The following PCDHGA9 variants were observed in gnomAD, a reference collection of about 807,000 sequenced individuals.
PCDHGA9 encodes protocadherin gamma-A9.
Under a neutral mutation model 62.5 loss-of-function variants are expected in PCDHGA9, and 37 were observed. The ratio of observed to expected loss-of-function variants is 0.59; its 90% CI spans 0.46 to 0.78. The LOEUF is 0.78. Among genes scored for constraint, PCDHGA9 ranks in the 30% least tolerant of loss-of-function variants. The probability of loss-of-function intolerance (pLI) is 0.00; values close to 1 mark genes in which losing one functional copy is unlikely to be tolerated. For synonymous variants in PCDHGA9, 459 were observed against 484.6 expected (o/e 0.95, Z 0.69); for missense variants, 1,138 against 1,166.2 (o/e 0.98, Z 0.35).
Position 141,485,920 on chromosome 5 carries a change from T to C in PCDHGA9, c.2425-8887T>C, listed in dbSNP as rs1374948804. ...CCTTCCAGCAATCCAGCTACAGGAT[T>C]AGTGTGTTGGAGAGCGCACCAGCGG... On this transcript the variant is annotated intron_variant, in intron 1 of 3. Transcript: ENST00000573521. This position sits in a 1 kb window ranked among gnomAD's most constrained non-coding sequence, Gnocchi z 5.7. 1.2e-6 allele frequency: 2 copies of C among 1,614,038 alleles called. No individual in the cohort carries two copies. Among genetic ancestry groups the C allele is most frequent in the Non-Finnish European group, 1.7e-6 (2 of 1,180,010 alleles).
At position 141,430,831 on chromosome 5, in the gene PCDHGA9, G is replaced by A; in HGVS notation, c.2424+25455G>A. ...TGGGAATCCTCCTGGGGACTCTGTGGGAGACCGGATGCACCCAGATACGCT... is the reference window on the plus strand; with the variant it reads ...TGGGAATCCTCCTGGGGACTCTGTGAGAGACCGGATGCACCCAGATACGCT... On this transcript the variant is annotated intron_variant, in intron 1 of 3. Coordinates refer to ENST00000573521, the MANE Select transcript of PCDHGA9 (RefSeq NM_018921.3). 3 of 1,555,334 alleles carry A rather than the reference G, an allele frequency of 1.9e-6. No individual in the cohort carries two copies. In the South Asian group the frequency reaches 3.8e-5, roughly 19 times the overall value.
At chr5:141,452,538 G>T (rs1330051133) in intron 1 of PCDHGA9, among the ~76,000 whole-genome samples, 1 of 152,148 alleles carries the variant, frequency 6.6e-6, no homozygotes, top group Non-Finnish European at 1.5e-5. Flanking sequence ...AGTTCATATT[G>T]ATACCTCCAG....
chr5:141,421,291 G>C, intron 1 of PCDHGA9: 1 of 1,613,364 alleles, frequency 6.2e-7, no homozygotes, highest in Middle Eastern at 1.6e-4. Context: ...CATTTTCCTG[G>C]GGACGCTGCG....
chr5:141,484,695 G>A (rs1371166304), intron 1 of PCDHGA9, among the ~76,000 whole-genome samples: 3 of 151,920 alleles, frequency 2.0e-5, no homozygotes, highest in Non-Finnish European at 4.4e-5. Context: ...TCAGGCTGTG[G>A]CTGTTTTCCC....
rs2099613082 is a variant in PCDHGA9, at chr5:141,485,421, C to T, written c.2425-9386C>T. ...TTCCGTGTGGATTTGGACAGCGGAG[C>T]CCTGCTCATCAAGAACCCAATCGAC... On this transcript the variant is annotated intron_variant, in intron 1 of 3. Coordinates refer to ENST00000573521, the MANE Select transcript of PCDHGA9 (RefSeq NM_018921.3). The surrounding 1 kb of genome is among the most constrained non-coding windows in gnomAD (Gnocchi z 5.7). The T allele has an allele frequency of 6.2e-7, 1 of 1,614,112 alleles. No individual in the cohort carries two copies. Among genetic ancestry groups the T allele is most frequent in the Non-Finnish European group, 8.5e-7 (1 of 1,180,010 alleles).
intron 1 of PCDHGA9, among the ~76,000 whole-genome samples, chr5:141,447,640 G>A (rs184184100): frequency 6.6e-6 from 1 of 152,198 alleles, no homozygotes; most frequent in Admixed American, 6.5e-5. Flanking sequence ...TATGAATGAT[G>A]GTAGAATTTT....
intron 1 of PCDHGA9, chr5:141,418,101 G>T: frequency 6.2e-7 from 1 of 1,614,082 alleles, no homozygotes; most frequent in Non-Finnish European, 8.5e-7. Context: ...GACGCGCAGA[G>T]CGGGGACTTA....
intron 1 of PCDHGA9, among the ~76,000 whole-genome samples, chr5:141,444,703 T>A (rs963617867): frequency 6.6e-6 from 1 of 152,248 alleles, no homozygotes; most frequent in Non-Finnish European, 1.5e-5. Context: ...TTCCTCTTTC[T>A]GTTGAATTTG....
At chr5:141,430,638 G>A in intron 1 of PCDHGA9, 1 of 898,338 alleles carries the variant, frequency 1.1e-6, no homozygotes, top group Non-Finnish European at 1.6e-6. Flanking sequence ...CCATCCCTGG[G>A]AGTATGTGGA....
chr5:141,459,510 T>G (rs1449866159), intron 1 of PCDHGA9, among the ~76,000 whole-genome samples: 1 of 152,252 alleles, frequency 6.6e-6, no homozygotes, highest in Non-Finnish European at 1.5e-5. Context: ...TGAACAATCA[T>G]GTACAAGTAT....
chr5:141,474,180 A>G (rs763042503), intron 1 of PCDHGA9, among the ~76,000 whole-genome samples: 4 of 152,240 alleles, frequency 2.6e-5, no homozygotes, highest in Non-Finnish European at 4.4e-5. Context: ...TGAGAAAACT[A>G]CTTACATTTT....
chr5:141,428,029 C>G, intron 1 of PCDHGA9: 2 of 1,607,160 alleles, frequency 1.2e-6, no homozygotes, highest in Non-Finnish European at 1.7e-6. Flanking sequence ...GCCGCAGAGT[C>G]CGGCTACCTG....
Position 141,432,479 on chromosome 5 carries a change from G to A in PCDHGA9, c.2424+27103G>A, listed in dbSNP as rs771261875. ...CGCCCTCCCCACGGACGGTTCCACT[G>A]GCGTGGAGCTGGCTCCCCGCTCCGC... On this transcript the variant is annotated intron_variant, in intron 1 of 3. Transcript: ENST00000573521. The surrounding 1 kb of genome is among the most constrained non-coding windows in gnomAD (Gnocchi z 6.0). The A allele has an allele frequency of 3.8e-5, 62 of 1,614,076 alleles. No individual in the cohort carries two copies. Among genetic ancestry groups the A allele is most frequent in the Non-Finnish European group, 4.9e-5 (58 of 1,180,052 alleles).
intron 1 of PCDHGA9, chr5:141,414,617 T>C: frequency 6.2e-7 from 1 of 1,614,002 alleles, no homozygotes; most frequent in Non-Finnish European, 8.5e-7. Flanking sequence ...GTGACAGCGC[T>C]GGACCCGGAC....
At chr5:141,422,219 C>T in intron 1 of PCDHGA9, 1 of 1,564,678 alleles carries the variant, frequency 6.4e-7, no homozygotes, top group Non-Finnish European at 8.6e-7. Context: ...CTCTTTACCA[C>T]CACGACGATG....
At chr5:141,464,131 G>C (rs982496493) in intron 1 of PCDHGA9, among the ~76,000 whole-genome samples, 19 of 152,056 alleles carry the variant, frequency 1.2e-4, no homozygotes, top group Admixed American at 2.0e-4. Flanking sequence ...TGGGTGTGGT[G>C]GTGGGCGCCT....
At chr5:141,410,191 C>G in intron 1 of PCDHGA9, 2 of 1,613,994 alleles carry the variant, frequency 1.2e-6, no homozygotes, top group Non-Finnish European at 1.7e-6. Context: ...TTCATCTGGT[C>G]TTCGCAGACA....
rs553860713 is a variant in PCDHGA9, at chr5:141,410,124, G to C, written c.2424+4748G>C. On this transcript the variant is annotated intron_variant, in intron 1 of 3. Coordinates refer to ENST00000573521, the MANE Select transcript of PCDHGA9 (RefSeq NM_018921.3). ...GGCGACAGGGACGCAGCCCGCCAGC[G>C]CCTGCTGGTCGCTGTGCGTGACGGT... is the stretch of plus-strand genomic sequence containing the variant. 1.2e-5 allele frequency: 20 copies of C among 1,612,726 alleles called. No homozygotes were observed. In the South Asian group the frequency reaches 2.2e-4, roughly 18 times the overall value.
chr5:141,485,340 C>A lies in PCDHGA9; in HGVS notation c.2425-9467C>A. 1 of 1,614,076 alleles carries A rather than the reference C, an allele frequency of 6.2e-7. No individual in the cohort carries two copies. On this transcript the variant is annotated intron_variant, in intron 1 of 3. Transcript: ENST00000573521. The surrounding 1 kb of genome is among the most constrained non-coding windows in gnomAD (Gnocchi z 5.7). ...GTCGCTCAAGATTTCCTGCTGGATA[C>A]GGACAGTCTGTCAGCTCGCAGGCTG...
Sources: allele counts gnomAD v4.1 joint callset (sites outside exome capture counted in the v4.1 genomes callset), GRCh38; gene constraint gnomAD v4.1.1; non-coding constraint Gnocchi (gnomAD v3.1); transcripts MANE v1.5; gene names NCBI Gene and HGNC (gene_info 2026-07-23, HGNC 2026-07-21).